The following RELN variants were observed in gnomAD, a reference collection of about 807,000 sequenced individuals.
RELN encodes reelin.
RELN carries 108 observed loss-of-function variants against 427.6 expected under a neutral mutation model. The observed-to-expected ratio is 0.25, with a 90% CI of 0.22 to 0.30. The LOEUF (loss-of-function observed/expected upper bound fraction) is 0.30. Ranked by LOEUF, RELN falls within the 10% of genes least tolerant of loss-of-function variation. The pLI is 1.00. For synonymous variants in RELN, 1,524 were observed against 1,513.4 expected (o/e 1.01, Z -0.16); for missense variants, 3,715 against 4,302.8 (o/e 0.86, Z 3.82).
intron 2 of RELN, among the ~76,000 whole-genome samples, chr7:103,871,640 T>C (rs1055453514): frequency 2.0e-5 from 3 of 152,128 alleles, no homozygotes; most frequent in African/African-American, 7.2e-5. Context: ...AGCTAGTCCA[T>C]TAAATGCTGA....
intron 6 of RELN, among the ~76,000 whole-genome samples, chr7:103,741,586 T>C (rs1261476053): frequency 7.1e-6 from 1 of 139,988 alleles, no homozygotes; most frequent in Non-Finnish European, 1.6e-5. Flanking sequence ...AAAAGGAGGG[T>C]GAGGGGAAGT....
intron 11 of RELN, among the ~76,000 whole-genome samples, chr7:103,675,495 T>G (rs996595984): frequency 3.7e-4 from 57 of 152,110 alleles, no homozygotes; most frequent in African/African-American, 1.3e-3. Flanking sequence ...GCCACCCCCA[T>G]CAAGCTACCA....
intron 1 of RELN, among the ~76,000 whole-genome samples, chr7:103,961,644 T>C (rs986238219): frequency 6.6e-6 from 1 of 152,188 alleles, no homozygotes; most frequent in African/African-American, 2.4e-5. Context: ...CTTGGGATTG[T>C]GAGTCTAGGC....
rs1006774495 is a variant in RELN, at chr7:103,633,377, TA to T, written c.2465+2047del. Among the ~76,000 whole-genome samples the T allele has an allele frequency of 7.2e-4, 110 of 152,144 alleles. 1 individual carries two copies. Among genetic ancestry groups the T allele is most frequent in the African/African-American group, 2.6e-3 (106 of 41,546 alleles). ...ATTTATCATATAAAATATAATTTGT[TA>T]TCTAGAATGTATCAACTTCCCCTTC... On this transcript the variant is annotated intron_variant, in intron 19 of 64. Coordinates refer to ENST00000428762, the MANE Select transcript of RELN (RefSeq NM_005045.4).
At chr7:103,782,776 T>C (rs905639570) in intron 3 of RELN, among the ~76,000 whole-genome samples, 1 of 152,218 alleles carries the variant, frequency 6.6e-6, no homozygotes, top group African/African-American at 2.4e-5. Context: ...TACTATTTGT[T>C]GATTTCATGA....
rs1436772025 is a variant in RELN at position 103,711,005 on chromosome 7, C to T, written c.806-9999G>A. Among the ~76,000 whole-genome samples the T allele has an allele frequency of 2.6e-5, 4 of 152,122 alleles. No individual in the cohort carries two copies. In the East Asian group the frequency reaches 7.7e-4, roughly 29 times the overall value. ...GTTGCAGTGAGCCGAGAGCACGCCA[C>T]TGTACTCCAGCCTGGCAACAGAGCG... On this transcript the variant is annotated intron_variant, in intron 8 of 64. Coordinates refer to ENST00000428762, the MANE Select transcript of RELN (RefSeq NM_005045.4).
At chr7:103,929,687 G>A (rs1795819110) in intron 1 of RELN, among the ~76,000 whole-genome samples, 1 of 152,138 alleles carries the variant, frequency 6.6e-6, no homozygotes, top group African/African-American at 2.4e-5. Context: ...ACTACCTTCA[G>A]CACTTTGGTA....
At chr7:103,513,493 T>A (rs1041283588) in intron 50 of RELN, 1 of 152,220 alleles carries the variant, frequency 6.6e-6, no homozygotes, top group African/African-American at 2.4e-5. Flanking sequence ...AGCAAAGTTC[T>A]GAAGCAGATC....
chr7:103,675,029 C>T (rs1833484543), intron 11 of RELN, among the ~76,000 whole-genome samples: 1 of 152,158 alleles, frequency 6.6e-6, no homozygotes, highest in African/African-American at 2.4e-5. Flanking sequence ...GTTGGAAGTT[C>T]TGGCCAGGGC....
chr7:103,791,719 A>G (rs1792165406), intron 3 of RELN, among the ~76,000 whole-genome samples: 1 of 152,164 alleles, frequency 6.6e-6, no homozygotes, highest in East Asian at 1.9e-4. Context: ...AAAAAAATAG[A>G]TGAATAGAAC....
At chr7:103,703,776 T>A (rs1834142130) in intron 8 of RELN, among the ~76,000 whole-genome samples, 1 of 152,184 alleles carries the variant, frequency 6.6e-6, no homozygotes, top group South Asian at 2.1e-4. Flanking sequence ...TAAGCAGTTG[T>A]TGAAGGAGGA....
In RELN at chr7:103,495,904, A is replaced by C; in HGVS notation, c.9194-6T>G. On this transcript the variant is annotated splice_region_variant and splice_polypyrimidine_tract_variant and intron_variant, in intron 56 of 64. Coordinates refer to ENST00000428762, the MANE Select transcript of RELN (RefSeq NM_005045.4). ...TTCTTCATGGGAAGTGCCTTCTGTT[A>C]AGGAAAATTGGAAGCAATATGGCAT... The C allele has an allele frequency of 6.2e-7, 1 of 1,613,794 alleles. No homozygotes were observed.
chr7:103,564,110 A>AT, intron 34 of RELN, among the ~76,000 whole-genome samples: 1 of 152,232 alleles, frequency 6.6e-6, no homozygotes, highest in Admixed American at 6.5e-5. Context: ...CACAGTAGAT[A>AT]TTCAATAAGT....
intron 27 of RELN, among the ~76,000 whole-genome samples, chr7:103,593,479 CT>C (rs1212400860): frequency 1.3e-5 from 2 of 152,124 alleles, no homozygotes; most frequent in Non-Finnish European, 2.9e-5. Context: ...ATACCCACAA[CT>C]TTTGGGACTC....
intron 3 of RELN, among the ~76,000 whole-genome samples, chr7:103,823,296 T>C (rs1483295067): frequency 6.6e-6 from 1 of 152,056 alleles, no homozygotes; most frequent in Non-Finnish European, 1.5e-5. Context: ...AGTCACAGTG[T>C]TTCGCCTGGT....
chr7:103,829,317 C>A (rs956317900), intron 3 of RELN, among the ~76,000 whole-genome samples: 16 of 151,354 alleles, frequency 1.1e-4, no homozygotes, highest in African/African-American at 3.6e-4. Flanking sequence ...TCCCTCCTTC[C>A]TCCTCTCCTC....
chr7:103,883,372 C>G (rs1466750351), intron 2 of RELN, among the ~76,000 whole-genome samples: 2 of 152,188 alleles, frequency 1.3e-5, no homozygotes, highest in Non-Finnish European at 2.9e-5. Context: ...AAAACCGGCG[C>G]AAGACAAGGA....
At chr7:103,632,092 T>A (rs530110177) in intron 19 of RELN, among the ~76,000 whole-genome samples, 1 of 152,232 alleles carries the variant, frequency 6.6e-6, no homozygotes, top group Non-Finnish European at 1.5e-5. Context: ...TGTATATGAA[T>A]GTGATATTGG....
chr7:103,473,130 T>C, intron 64 of RELN: 2 of 659,716 alleles, frequency 3.0e-6, no homozygotes, highest in South Asian at 3.2e-5. Context: ...CCCTGTCTTT[T>C]CATGAGTGAG....
Sources: gnomAD v4.1 joint callset for allele counts (sites outside exome capture counted in the v4.1 genomes callset) on GRCh38, gnomAD v4.1.1 for gene constraint, MANE v1.5 for transcripts, NCBI Gene and HGNC (gene_info 2026-07-23, HGNC 2026-07-21) for gene names.